The following MCTP2 variants were observed in gnomAD, a reference collection of about 807,000 sequenced individuals.
The protein encoded by MCTP2 is multiple C2 and transmembrane domain-containing protein 2.
A neutral mutation model predicts 111.6 loss-of-function variants in MCTP2; 132 were observed. The ratio of observed to expected loss-of-function variants is 1.18; its 90% CI spans 1.03 to 1.37. MCTP2 has a LOEUF of 1.37. Ranked by LOEUF, MCTP2 falls within the 40% of genes most tolerant of loss-of-function variation. MCTP2 has a pLI of 0.00. For synonymous variants in MCTP2, 395 were observed against 387.7 expected, an observed-to-expected ratio of 1.02 and a Z score of -0.22; for missense variants, 1,183 against 1,067.9, an observed-to-expected ratio of 1.11 and a Z score of -1.50.
chr15:94,333,091 C>T (rs192391738), intron 4 of MCTP2, among the ~76,000 whole-genome samples: 14 of 152,202 alleles, frequency 9.2e-5, no homozygotes, highest in African/African-American at 3.4e-4. Flanking sequence ...AAAAATTAGC[C>T]GGGCCTGGTG....
At chr15:94,361,823 A>G (rs1029301252) in intron 10 of MCTP2, among the ~76,000 whole-genome samples, 1 of 152,164 alleles carries the variant, frequency 6.6e-6, no homozygotes, top group African/African-American at 2.4e-5. Flanking sequence ...CAGCCTGAAC[A>G]ATACTGAAGT....
chr15:94,243,526 C>T (rs1175361218), intron 1 of MCTP2, among the ~76,000 whole-genome samples: 9 of 111,354 alleles, frequency 8.1e-5, no homozygotes, highest in Non-Finnish European at 1.2e-4. Context: ...CGTATGTACA[C>T]ACATACGTAT....
intron 21 of MCTP2, among the ~76,000 whole-genome samples, chr15:94,474,627 G>C (rs1018579930): frequency 4.6e-5 from 7 of 152,120 alleles, no homozygotes; most frequent in African/African-American, 1.7e-4. Flanking sequence ...GGGAGGCTGA[G>C]GTGGGTGGAT....
chr15:94,275,140 TAGAAG>T (rs1219120553), intron 1 of MCTP2, among the ~76,000 whole-genome samples: 2 of 152,132 alleles, frequency 1.3e-5, no homozygotes, highest in South Asian at 4.1e-4. Flanking sequence ...AAACTAGAAA[TAGAAG>T]AGAATTTTCT....
At chr15:94,438,647 T>C (rs904806605) in intron 17 of MCTP2, among the ~76,000 whole-genome samples, 13 of 152,144 alleles carry the variant, frequency 8.5e-5, no homozygotes, top group African/African-American at 3.1e-4. Flanking sequence ...TACCAACCAT[T>C]CTTGATCTTA....
intron 2 of MCTP2, among the ~76,000 whole-genome samples, chr15:94,311,970 C>A (rs1403430985): frequency 6.6e-6 from 1 of 152,110 alleles, no homozygotes; most frequent in Non-Finnish European, 1.5e-5. Context: ...GATACAAGAC[C>A]ATCATTATCC....
Position 94,315,567 on chromosome 15 carries a change from C to G in MCTP2, c.567C>G (p.Pro189=). The change falls in exon 4 of 23, where the codon CCC becomes CCG. Residue 189 remains proline, a synonymous_variant. Coordinates refer to ENST00000357742, the MANE Select transcript of MCTP2 (RefSeq NM_001385001.1). ...CCAGTGATGGCTTGAGTAACCTCCC[C>G]AGCCCTTTTGCGTACCTCCTCACCA... ...GEASDGLSNL[P]SPFAYLLTIH... The G allele has an allele frequency of 1.2e-6, 2 of 1,614,146 alleles. No individual in the cohort carries two copies. The highest frequency in any genetic ancestry group is 1.7e-6 in the Non-Finnish European group (2 of 1,180,008).
chr15:94,307,903 A>G (rs1479218067), intron 2 of MCTP2, among the ~76,000 whole-genome samples: 1 of 152,094 alleles, frequency 6.6e-6, no homozygotes, highest in Non-Finnish European at 1.5e-5. Context: ...ACCTTCATCA[A>G]GTTCTTTTGA....
intron 17 of MCTP2, among the ~76,000 whole-genome samples, chr15:94,438,077 A>G (rs192258460): frequency 5.3e-5 from 8 of 152,150 alleles, no homozygotes; most frequent in Non-Finnish European, 1.0e-4. Flanking sequence ...AACACTGAAC[A>G]TTAAAGGTAG....
intron 20 of MCTP2, among the ~76,000 whole-genome samples, chr15:94,468,668 T>C (rs927593219): frequency 2.0e-5 from 3 of 152,200 alleles, no homozygotes; most frequent in African/African-American, 7.2e-5. Flanking sequence ...GGAGTCTCAC[T>C]CTGTTGCCCA....
intron 2 of MCTP2, among the ~76,000 whole-genome samples, chr15:94,308,233 T>C (rs1021244369): frequency 2.0e-5 from 3 of 152,178 alleles, no homozygotes; most frequent in African/African-American, 7.2e-5. Context: ...TTAGGTATAT[T>C]TTTCAAGGAC....
chr15:94,269,109 CA>C (rs1314598688), intron 1 of MCTP2, among the ~76,000 whole-genome samples: 4 of 152,084 alleles, frequency 2.6e-5, no homozygotes, highest in African/African-American at 9.7e-5. Context: ...TTGTCTTTCA[CA>C]CTTAGCACTT....
chr15:94,470,930 G>A (rs796861623), intron 21 of MCTP2, among the ~76,000 whole-genome samples: 13 of 152,146 alleles, frequency 8.5e-5, no homozygotes, highest in South Asian at 2.1e-4. Flanking sequence ...GGGAGGGGGC[G>A]TTCTGTGAAT....
chr15:94,470,417 A>C lies in MCTP2; in HGVS notation c.2445A>C (p.Pro815=). The change falls in exon 21 of 23, where the codon CCA becomes CCC. Residue 815 remains proline (P), a synonymous_variant. Transcript: ENST00000357742. ...AAATIILYFI[P]LRYIILIWGI... Reference sequence around the variant, plus strand: ...CCACCATCATTTTGTATTTCATTCCACTGCGGTACATCATTTTAATCTGGG... The same window carrying C: ...CCACCATCATTTTGTATTTCATTCCCCTGCGGTACATCATTTTAATCTGGG... The C allele has an allele frequency of 6.2e-7, 1 of 1,612,376 alleles. No individual in the cohort carries two copies. The highest frequency in any genetic ancestry group is 8.5e-7 in the Non-Finnish European group (1 of 1,178,430).
intron 20 of MCTP2, among the ~76,000 whole-genome samples, chr15:94,462,325 G>A (rs2085265273): frequency 6.6e-6 from 1 of 152,186 alleles, no homozygotes; most frequent in Non-Finnish European, 1.5e-5. Flanking sequence ...TTCATTAATG[G>A]CGAAGTTAGT....
chr15:94,353,042 G>T (rs1191767411), intron 8 of MCTP2, among the ~76,000 whole-genome samples: 2 of 152,180 alleles, frequency 1.3e-5, no homozygotes, highest in Non-Finnish European at 2.9e-5. Context: ...TAGAATAAAG[G>T]TCTTGTGTTC....
intron 17 of MCTP2, among the ~76,000 whole-genome samples, chr15:94,421,827 A>G (rs990229319): frequency 5.3e-5 from 8 of 152,178 alleles, no homozygotes; most frequent in Non-Finnish European, 1.0e-4. Flanking sequence ...TTGTCCCATA[A>G]CATAACAGGT....
At chr15:94,444,729 C>T (rs946001954) in intron 19 of MCTP2, among the ~76,000 whole-genome samples, 2 of 152,144 alleles carry the variant, frequency 1.3e-5, no homozygotes, top group African/African-American at 2.4e-5. Flanking sequence ...GAACCAGGGA[C>T]AAAGAACAAG....
At chr15:94,469,997 T>C (rs532195618) in intron 20 of MCTP2, among the ~76,000 whole-genome samples, 1 of 152,332 alleles carries the variant, frequency 6.6e-6, no homozygotes, top group South Asian at 2.1e-4. Context: ...ACCCTTAGTT[T>C]TGAAGATCTC....
Sources: gnomAD v4.1 joint callset for allele counts (sites outside exome capture counted in the v4.1 genomes callset) on GRCh38, gnomAD v4.1.1 for gene constraint, MANE v1.5 for transcripts, NCBI Gene and HGNC (gene_info 2026-07-23, HGNC 2026-07-21) for gene names.